Variants in RNF166 observed in about 807,000 individuals in gnomAD.
RNF166 encodes the protein ring finger protein 166, also known as E3 ubiquitin-protein ligase RNF166.
Under a neutral mutation model 29.4 loss-of-function variants are expected in RNF166, and 19 were observed. That is an observed-to-expected ratio of 0.65 (90% CI 0.45 to 0.95). RNF166 has a LOEUF of 0.95. Among genes scored for constraint, RNF166 ranks in the 40% least tolerant of loss-of-function variants. RNF166 has a pLI of 0.00. For synonymous variants in RNF166, 171 were observed against 134.5 expected (o/e 1.27, Z -1.88); for missense variants, 347 against 322.1 (o/e 1.08, Z -0.59).
In RNF166 at chr16:88,706,159, G is replaced by T; in HGVS notation, c.155+12C>A. 8.3e-7 allele frequency: 1 copy of T among 1,203,610 alleles called. No homozygotes were observed. The highest frequency in any genetic ancestry group is 1.0e-6 in the Non-Finnish European group (1 of 970,246). 74.6% of individuals were successfully genotyped at this position (1,203,610 alleles called of 1,614,324 possible). On this transcript the variant is annotated intron_variant, in intron 1 of 5. Transcript: ENST00000312838. ...GGCCCCCTCCCCGCGGCCCCTGGGC[G>T]GGCGCGCTCACGTGTGGCCGCAGCT... is the stretch of plus-strand genomic sequence containing the variant.
chr16:88,702,733 C>T (rs1470844004), intron 1 of RNF166: 2 of 985,316 alleles, frequency 2.0e-6, no homozygotes, highest in African/African-American at 1.7e-5. Context: ...AGTGAACAAG[C>T]CTTTTTCTGC....
intron 3 of RNF166, 119 bp downstream of exon 3, chr16:88,699,501 A>G (rs1040634003): frequency 4.0e-6 from 3 of 756,226 alleles, no homozygotes; most frequent in East Asian, 5.5e-5. Flanking sequence ...CCACTTCCCC[A>G]GAGTGGACCC....
chr16:88,703,692 AG>A (rs1910494821), intron 1 of RNF166: 13 of 985,444 alleles, frequency 1.3e-5, no homozygotes, highest in Non-Finnish European at 1.6e-5. Flanking sequence ...TCTCAGCTGA[AG>A]GAAGTGGCTG....
In RNF166 at chr16:88,698,502, C is replaced by T. The variant is rs1341434535; in HGVS notation, c.648G>A (p.Val216=). The change falls in exon 5 of 6, where the codon GTG becomes GTA. Residue 216 remains valine, a splice_region_variant and synonymous_variant. Coordinates refer to ENST00000312838, the MANE Select transcript of RNF166 (RefSeq NM_178841.4). The part of the protein sequence containing the change: ...HRHKFSYDTF[V]DYSIDEEAAF... ...AGGACGGTGCTGGCGGGATGCCTAC[C>T]ACAAAGGTGTCGTAGGAGAACTTGT... The T allele has an allele frequency of 6.4e-7, 1 of 1,562,614 alleles. No homozygotes were observed. The highest frequency in any genetic ancestry group is 8.7e-7 in the Non-Finnish European group (1 of 1,152,630).
Position 88,703,951 on chromosome 16 carries a change from C to T in RNF166, c.155+2220G>A, listed in dbSNP as rs910542878. On this transcript the variant is annotated intron_variant, in intron 1 of 5. Transcript: ENST00000312838. ...GCCCTTCCAGGCAGGTTCGTGATCA[C>T]GCGTGTCCTGGCCCACAGGCTTCTG... 5.1e-6 allele frequency: 5 copies of T among 985,472 alleles called. No individual in the cohort carries two copies. The East Asian group carries it at 3.4e-4, about 67-fold the overall frequency. 61.0% of individuals were successfully genotyped at this position (985,472 alleles called of 1,614,324 possible). A position where few individuals can be genotyped will look rare whatever the true frequency, so the allele number is the denominator to read the frequency against.
At chr16:88,704,898 G>A (rs1334446962) in intron 1 of RNF166, among the ~76,000 whole-genome samples, 1 of 152,224 alleles carries the variant, frequency 6.6e-6, no homozygotes, top group Non-Finnish European at 1.5e-5. Flanking sequence ...GCTGAGGCAG[G>A]AGGATCACTT....
Position 88,700,910 on chromosome 16 carries a change from G to C in RNF166, c.312+352C>G, listed in dbSNP as rs144761605. ...CCCTTGTGACCTTGGAGCCCCCAGC[G>C]CCGTCCCCGGTATCGGCTGGCAGGG... On this transcript the variant is annotated intron_variant, in intron 2 of 5. Coordinates refer to ENST00000312838, the MANE Select transcript of RNF166 (RefSeq NM_178841.4). 53 of 1,152,536 alleles carry C rather than the reference G, an allele frequency of 4.6e-5. No individual in the cohort carries two copies. The African/African-American group carries it at 8.5e-4, about 19-fold the overall frequency. The allele number at this position is 1,152,536 out of a possible 1,614,324, so 71.4% of individuals were successfully genotyped here. A position where few individuals can be genotyped will look rare whatever the true frequency, so the allele number is the denominator to read the frequency against.
Position 88,699,089 on chromosome 16 carries a change from G to C in RNF166, c.426-4C>G. On this transcript the variant is annotated splice_polypyrimidine_tract_variant and splice_region_variant and intron_variant, in intron 3 of 5. Transcript: ENST00000312838. ...GGTGGACCTGTTGGGGATGTTGCTGGCGGGGCGGGGGTAGAGTGAGTGGCA... is the reference window on the plus strand; with the variant it reads ...GGTGGACCTGTTGGGGATGTTGCTGCCGGGGCGGGGGTAGAGTGAGTGGCA... 6.3e-7 allele frequency: 1 copy of C among 1,593,014 alleles called. No individual in the cohort carries two copies. Among genetic ancestry groups the C allele is most frequent in the Non-Finnish European group, 8.6e-7 (1 of 1,167,202 alleles).
rs528766567 is a variant in RNF166, at chr16:88,704,542, G to C, written c.155+1629C>G. Reference sequence around the variant, plus strand: ...AGACCAATTTGTGCAGGTTAGGAAAGTGGAGATGCTGTGGCCGACCACACG... The same window carrying C: ...AGACCAATTTGTGCAGGTTAGGAAACTGGAGATGCTGTGGCCGACCACACG... On this transcript the variant is annotated intron_variant, in intron 1 of 5. Transcript: ENST00000312838. The C allele has an allele frequency of 2.1e-5, 21 of 985,474 alleles. No individual in the cohort carries two copies. In the East Asian group the frequency reaches 2.4e-3, roughly 112 times the overall value. The allele number at this position is 985,474 out of a possible 1,614,324, so 61.0% of individuals were successfully genotyped here. A position where few individuals can be genotyped will look rare whatever the true frequency, so the allele number is the denominator to read the frequency against.
chr16:88,696,543 G>A lies in RNF166; in HGVS notation c.*1025C>T. ...TTTAAACTTTTTTTTTTAAAAAAAA[G>A]ACAGCAATAATTAATGCCAAGAACA... On this transcript the variant is annotated 3_prime_UTR_variant, in exon 6 of 6. Transcript: ENST00000312838. The A allele has an allele frequency of 2.3e-6, 1 of 432,324 alleles. No homozygotes were observed. Among genetic ancestry groups the A allele is most frequent in the Non-Finnish European group, 4.5e-6 (1 of 220,972 alleles). 26.8% of individuals were successfully genotyped at this position (432,324 alleles called of 1,614,324 possible).
At chr16:88,705,613 C>G (rs1910706959) in intron 1 of RNF166, among the ~76,000 whole-genome samples, 1 of 152,242 alleles carries the variant, frequency 6.6e-6, no homozygotes, top group African/African-American at 2.4e-5. Flanking sequence ...ACCAGCCTGC[C>G]TGGCTACTCA....
chr16:88,698,815 A>C (rs1284592643), intron 4 of RNF166, among the ~76,000 whole-genome samples, 156 bp downstream of exon 4: 1 of 152,194 alleles, frequency 6.6e-6, no homozygotes, highest in Non-Finnish European at 1.5e-5. Context: ...GGTTTCCGCC[A>C]GGTGCTGCTC....
At chr16:88,698,415 G>A (rs1383161721) in intron 5 of RNF166, 87 bp downstream of exon 5, 1 of 1,051,822 alleles carries the variant, frequency 9.5e-7, no homozygotes, top group Non-Finnish European at 1.4e-6. Context: ...TCTGAACCCT[G>A]CGGACCCTGA....
chr16:88,700,191 A>T (rs1021432504), intron 2 of RNF166: 1 of 153,322 alleles, frequency 6.5e-6, no homozygotes, highest in African/African-American at 2.4e-5. Flanking sequence ...AACAGGCTGC[A>T]AGATCGCAGG....
chr16:88,705,776 A>G (rs1910728205), intron 1 of RNF166, among the ~76,000 whole-genome samples: 1 of 152,216 alleles, frequency 6.6e-6, no homozygotes, highest in East Asian at 1.9e-4. Context: ...ACTACAAGTT[A>G]TTTATTTACA....
chr16:88,700,940 G>A, intron 2 of RNF166: 1 of 1,185,596 alleles, frequency 8.4e-7, no homozygotes, highest in Non-Finnish European at 1.1e-6. Context: ...GCAGGGGAAG[G>A]CTGCATTGGG....
At chr16:88,701,155 T>C (rs1910182030) in intron 2 of RNF166, 107 bp downstream of exon 2, 6 of 1,428,556 alleles carry the variant, frequency 4.2e-6, no homozygotes, top group Non-Finnish European at 5.8e-6. Flanking sequence ...CCGCGATTAC[T>C]CAACAGGAAA....
At chr16:88,699,580 C>T (rs550281302) in intron 3 of RNF166, 40 bp downstream of exon 3, 2 of 1,522,218 alleles carry the variant, frequency 1.3e-6, no homozygotes, top group African/African-American at 1.4e-5. Context: ...GAGGAAACCG[C>T]CGAGGACAGT....
At chr16:88,703,939 G>C in intron 1 of RNF166, 2 of 985,470 alleles carry the variant, frequency 2.0e-6, no homozygotes, top group Non-Finnish European at 2.4e-6. Context: ...CTTCCAGGCA[G>C]GTTCGTGATC....
Sources: allele counts gnomAD v4.1 joint callset (sites outside exome capture counted in the v4.1 genomes callset), GRCh38; gene constraint gnomAD v4.1.1; transcripts MANE v1.5; gene names NCBI Gene and HGNC (gene_info 2026-07-23, HGNC 2026-07-21).